Variants in DTNBP1 observed in about 807,000 individuals in gnomAD.
DTNBP1 encodes dysbindin.
Under a neutral mutation model 42.8 loss-of-function variants are expected in DTNBP1, and 35 were observed. The observed-to-expected ratio is 0.82, with a 90% CI of 0.63 to 1.09. The LOEUF (loss-of-function observed/expected upper bound fraction) is 1.09, where lower values mean the gene tolerates loss of function less well. DTNBP1 is among the 50% of genes least tolerant of loss of function. DTNBP1 has a pLI of 0.00. For synonymous variants in DTNBP1, 171 were observed against 162.2 expected (o/e 1.05, Z -0.41); for missense variants, 457 against 424.2 (o/e 1.08, Z -0.68).
chr6:15,578,112 A>C (rs1223083347), intron 7 of DTNBP1, among the ~76,000 whole-genome samples: 2 of 152,208 alleles, frequency 1.3e-5, no homozygotes, highest in African/African-American at 2.4e-5. Context: ...GGCAGGAGAG[A>C]AGGAAGGAGT....
At chr6:15,541,766 C>T (rs1290283295) in intron 7 of DTNBP1, among the ~76,000 whole-genome samples, 3 of 151,918 alleles carry the variant, frequency 2.0e-5, no homozygotes, top group African/African-American at 4.8e-5. Flanking sequence ...CTCAATTATA[C>T]GTTTTAATGG....
chr6:15,543,567 A>G (rs1407329043), intron 7 of DTNBP1, among the ~76,000 whole-genome samples: 1 of 152,234 alleles, frequency 6.6e-6, no homozygotes, highest in African/African-American at 2.4e-5. Flanking sequence ...AAAATTCAAG[A>G]AGGAGAAAAA....
chr6:15,568,313 C>T (rs1252019958), intron 7 of DTNBP1, among the ~76,000 whole-genome samples: 3 of 152,212 alleles, frequency 2.0e-5, no homozygotes, highest in African/African-American at 7.2e-5. Flanking sequence ...CTCCATGCAT[C>T]TCCACTATTC....
chr6:15,645,295 A>AT (rs1282342022), intron 3 of DTNBP1, among the ~76,000 whole-genome samples: 1 of 151,518 alleles, frequency 6.6e-6, no homozygotes, highest in African/African-American at 2.4e-5. Context: ...AATAATAATA[A>AT]AAAAAATCTA....
At chr6:15,524,358 C>CA in intron 9 of DTNBP1, 168 bp downstream of exon 9, 1 of 1,613,336 alleles carries the variant, frequency 6.2e-7, no homozygotes, top group Admixed American at 1.7e-5. Context: ...ACCACTGTTG[C>CA]AGCTGCCACA....
chr6:15,536,253 T>A (rs1187006113), intron 7 of DTNBP1, among the ~76,000 whole-genome samples: 1 of 152,224 alleles, frequency 6.6e-6, no homozygotes, highest in Non-Finnish European at 1.5e-5. Flanking sequence ...AGGAGTTGAA[T>A]GTTAAGTGCC....
At chr6:15,543,890 G>A (rs1459668365) in intron 7 of DTNBP1, among the ~76,000 whole-genome samples, 5 of 152,116 alleles carry the variant, frequency 3.3e-5, no homozygotes, top group African/African-American at 1.2e-4. Flanking sequence ...TAGCCAATAG[G>A]GGAAAGACAC....
intron 1 of DTNBP1, chr6:15,660,427 G>C: frequency 6.2e-6 from 8 of 1,289,764 alleles, no homozygotes; most frequent in Non-Finnish European, 8.1e-6. Flanking sequence ...GGTCTACTGG[G>C]AGACTGACAT....
At position 15,662,994 on chromosome 6, in the gene DTNBP1, C is replaced by T; in HGVS notation, c.-125G>A. On this transcript the variant is annotated 5_prime_UTR_variant, in exon 1 of 10. Transcript: ENST00000344537. ...CCCGCACTCCCACTACCGGCCCCGC[C>T]CCCGGTCTGGTCCTCGCCGCCGCGC... The T allele has an allele frequency of 1.4e-6, 2 of 1,390,462 alleles. No homozygotes were observed. Among genetic ancestry groups the T allele is most frequent in the African/African-American group, 1.4e-5 (1 of 69,898 alleles). The allele number at this position is 1,390,462 out of a possible 1,614,324, so 86.1% of individuals were successfully genotyped here.
intron 5 of DTNBP1, among the ~76,000 whole-genome samples, chr6:15,616,317 T>C (rs1758713566): frequency 6.6e-6 from 1 of 152,244 alleles, no homozygotes; most frequent in Admixed American, 6.5e-5. Context: ...TAGTTATCTA[T>C]TATTCACTGA....
intron 7 of DTNBP1, among the ~76,000 whole-genome samples, chr6:15,535,050 C>A (rs1773130135): frequency 6.6e-6 from 1 of 152,160 alleles, no homozygotes; most frequent in African/African-American, 2.4e-5. Flanking sequence ...CCACCCAAAT[C>A]TCATATCGAA....
rs368414514 is a variant in DTNBP1, at chr6:15,522,957, C to T, written c.*18G>A. The T allele has an allele frequency of 6.2e-7, 1 of 1,614,214 alleles. No homozygotes were observed. Among genetic ancestry groups the T allele is most frequent in the Admixed American group, 1.7e-5 (1 of 60,030 alleles). ...AAAACTGGATTCCAGTGTGGCCAGA[C>T]AACGCCCATGTCCCAATTTAAGAGT... On this transcript the variant is annotated 3_prime_UTR_variant, in exon 10 of 10. Coordinates refer to ENST00000344537, the MANE Select transcript of DTNBP1 (RefSeq NM_032122.5).
chr6:15,650,022 C>A (rs1760898100), intron 3 of DTNBP1, among the ~76,000 whole-genome samples: 1 of 152,122 alleles, frequency 6.6e-6, no homozygotes, highest in Non-Finnish European at 1.5e-5. Flanking sequence ...ACAAAGGAAG[C>A]AAATATCATA....
intron 7 of DTNBP1, among the ~76,000 whole-genome samples, chr6:15,570,588 C>G (rs1294403226): frequency 6.6e-6 from 1 of 152,184 alleles, no homozygotes; most frequent in Non-Finnish European, 1.5e-5. Flanking sequence ...AAACCCAAAC[C>G]CCACCTTCGT....
At chr6:15,573,686 G>T (rs1391823678) in intron 7 of DTNBP1, among the ~76,000 whole-genome samples, 1 of 151,966 alleles carries the variant, frequency 6.6e-6, no homozygotes, top group Non-Finnish European at 1.5e-5. Flanking sequence ...CTGCTCCTTT[G>T]TTTTCTGTTT....
intron 7 of DTNBP1, among the ~76,000 whole-genome samples, chr6:15,590,531 C>T (rs963074654): frequency 6.6e-6 from 1 of 152,158 alleles, no homozygotes; most frequent in African/African-American, 2.4e-5. Flanking sequence ...ACTATGAAAG[C>T]TTATGTACTC....
intron 1 of DTNBP1, chr6:15,660,310 T>C (rs1366153129): frequency 7.9e-6 from 10 of 1,264,012 alleles, no homozygotes; most frequent in East Asian, 5.6e-5. Context: ...TAATCAGTTA[T>C]GTAAAGGAGG....
At chr6:15,635,051 G>A (rs950673056) in intron 4 of DTNBP1, among the ~76,000 whole-genome samples, 12 of 152,114 alleles carry the variant, frequency 7.9e-5, no homozygotes, top group African/African-American at 2.9e-4. Flanking sequence ...GTCTGCTGTG[G>A]AACTCATTCA....
Position 15,572,098 on chromosome 6 carries a change from G to A in DTNBP1, c.511+20961C>T, listed in dbSNP as rs528360433. ...CATAAACAGGAATTATAATTAGCAT[G>A]AATTCATAATTACAAAGACCTTAAC... On this transcript the variant is annotated intron_variant, in intron 7 of 9. Transcript: ENST00000344537. Among the ~76,000 whole-genome samples, 8 of 152,230 alleles carry A rather than the reference G, an allele frequency of 5.3e-5. No homozygotes were observed. The South Asian group carries it at 1.7e-3, about 32-fold the overall frequency.
Sources: allele counts gnomAD v4.1 joint callset (sites outside exome capture counted in the v4.1 genomes callset), GRCh38; gene constraint gnomAD v4.1.1; transcripts MANE v1.5; gene names NCBI Gene and HGNC (gene_info 2026-07-23, HGNC 2026-07-21).